PLCB1: variants seen among roughly 807,000 people sequenced by gnomAD.
The protein encoded by PLCB1 is phospholipase C beta 1.
PLCB1 carries 46 observed loss-of-function variants against 161.8 expected under a neutral mutation model. The ratio of observed to expected loss-of-function variants is 0.28; its 90% confidence interval spans 0.22 to 0.36. The LOEUF (loss-of-function observed/expected upper bound fraction) is 0.36, where lower values mean the gene tolerates loss of function less well. PLCB1 is among the 10% of genes least tolerant of loss of function. PLCB1 has a pLI of 1.00. For missense variants in PLCB1, 1,016 were observed against 1,472.5 expected, an observed-to-expected ratio of 0.69 and a Z score of 5.07; for synonymous variants, 517 against 503.7, an observed-to-expected ratio of 1.03 and a Z score of -0.35.
intron 4 of PLCB1, among the ~76,000 whole-genome samples, chr20:8,641,356 A>C (rs1300361688): frequency 6.6e-6 from 1 of 152,246 alleles, no homozygotes; most frequent in Non-Finnish European, 1.5e-5. Context: ...ATAAATCATA[A>C]AGCATGGAAG....
chr20:8,835,373 G>A (rs1986240032), intron 31 of PLCB1, among the ~76,000 whole-genome samples: 1 of 151,926 alleles, frequency 6.6e-6, no homozygotes, highest in African/African-American at 2.4e-5. Flanking sequence ...CCTATTTCAG[G>A]GTCTCCACCG....
At chr20:8,625,865 T>C (rs1044857470) in intron 3 of PLCB1, among the ~76,000 whole-genome samples, 4 of 152,124 alleles carry the variant, frequency 2.6e-5, no homozygotes, top group African/African-American at 9.7e-5. Context: ...AATACTTCAT[T>C]ATAAATTTCT....
At chr20:8,832,391 C>T (rs1483447192) in intron 31 of PLCB1, among the ~76,000 whole-genome samples, 3 of 152,130 alleles carry the variant, frequency 2.0e-5, no homozygotes, top group East Asian at 1.9e-4. Flanking sequence ...AATTAAATTT[C>T]ATTTAAAAGT....
intron 3 of PLCB1, among the ~76,000 whole-genome samples, chr20:8,600,984 A>G (rs567697066): frequency 4.9e-4 from 74 of 151,970 alleles, no homozygotes; most frequent in East Asian, 4.1e-3. Flanking sequence ...GCACCCACTG[A>G]CCTGCGCCCA....
At chr20:8,620,583 T>C (rs767501363) in intron 3 of PLCB1, among the ~76,000 whole-genome samples, 1 of 151,164 alleles carries the variant, frequency 6.6e-6, no homozygotes, top group Non-Finnish European at 1.5e-5. Flanking sequence ...CTACTAAAAA[T>C]ACAAAAATTA....
At chr20:8,791,028 G>A (rs1983732858) in intron 31 of PLCB1, among the ~76,000 whole-genome samples, 1 of 151,966 alleles carries the variant, frequency 6.6e-6, no homozygotes, top group East Asian at 1.9e-4. Context: ...AGCATTTCTC[G>A]AGTCCTAAAA....
At chr20:8,173,321 C>G (rs969619519) in intron 2 of PLCB1, among the ~76,000 whole-genome samples, 2 of 152,166 alleles carry the variant, frequency 1.3e-5, no homozygotes, top group African/African-American at 4.8e-5. Flanking sequence ...ATGCTATTCT[C>G]TCACCAAGAG....
chr20:8,794,948 A>C (rs1983944038), intron 31 of PLCB1, among the ~76,000 whole-genome samples: 1 of 152,224 alleles, frequency 6.6e-6, no homozygotes, highest in South Asian at 2.1e-4. Flanking sequence ...CCTCATTCAA[A>C]GTGTGACTTT....
intron 3 of PLCB1, among the ~76,000 whole-genome samples, chr20:8,504,774 T>C (rs1444814752): frequency 6.6e-6 from 1 of 152,172 alleles, no homozygotes; most frequent in Admixed American, 6.5e-5. Flanking sequence ...TTGAAATCTA[T>C]AGCACCACTG....
intron 2 of PLCB1, among the ~76,000 whole-genome samples, chr20:8,187,191 A>G (rs2051914905): frequency 6.6e-6 from 1 of 151,922 alleles, no homozygotes; most frequent in African/African-American, 2.4e-5. Flanking sequence ...TGCCAAGCCT[A>G]TTTTCCAATT....
intron 4 of PLCB1, among the ~76,000 whole-genome samples, chr20:8,644,006 G>C (rs557647924): frequency 4.2e-5 from 6 of 144,332 alleles, no homozygotes; most frequent in Admixed American, 3.4e-4. Context: ...TGTGTTGGCC[G>C]GGCTGGTCTC....
chr20:8,557,378 A>C (rs937624702), intron 3 of PLCB1, among the ~76,000 whole-genome samples: 3 of 152,098 alleles, frequency 2.0e-5, no homozygotes. Context: ...AAAAATAAAG[A>C]AATTCTGACA....
chr20:8,284,829 A>G lies in PLCB1; in HGVS notation c.178-86553A>G, dbSNP rs984993212. ...GCTTGGCCTCTTCCTCTGGAACATC[A>G]GTTTATACTACTTGAGTTTGCTTTT... On this transcript the variant is annotated intron_variant, in intron 2 of 31. Transcript: ENST00000338037. Among the ~76,000 whole-genome samples the G allele has an allele frequency of 5.7e-4, 87 of 151,832 alleles. 2 individuals carry two copies. Among genetic ancestry groups the G allele is most frequent in the Admixed American group, 7.9e-4 (12 of 15,224 alleles).
At chr20:8,446,618 C>T (rs1178740992) in intron 3 of PLCB1, among the ~76,000 whole-genome samples, 4 of 152,120 alleles carry the variant, frequency 2.6e-5, no homozygotes, top group Admixed American at 1.3e-4. Context: ...GGAGTCAAAT[C>T]GTCCCTGTTT....
chr20:8,363,355 G>C (rs6086422), intron 2 of PLCB1, among the ~76,000 whole-genome samples: 1 of 152,040 alleles, frequency 6.6e-6, no homozygotes, highest in Non-Finnish European at 1.5e-5. Context: ...AGCTCATTTA[G>C]GTTGTTGCCA....
chr20:8,577,893 A>G (rs1986725185), intron 3 of PLCB1, among the ~76,000 whole-genome samples: 1 of 152,178 alleles, frequency 6.6e-6, no homozygotes, highest in Admixed American at 6.5e-5. Flanking sequence ...CCTTTTCTGT[A>G]TACCAGATTC....
At chr20:8,148,381 T>A (rs79249175) in intron 1 of PLCB1, among the ~76,000 whole-genome samples, 1 of 152,178 alleles carries the variant, frequency 6.6e-6, no homozygotes, top group Non-Finnish European at 1.5e-5. Flanking sequence ...TTAGAAGTAA[T>A]TGGGAAATTT....
intron 9 of PLCB1, among the ~76,000 whole-genome samples, chr20:8,676,874 C>T (rs1258977608): frequency 6.6e-6 from 1 of 152,058 alleles, no homozygotes; most frequent in African/African-American, 2.4e-5. Flanking sequence ...AGTGAGAATT[C>T]GTTAAGTATA....
intron 2 of PLCB1, among the ~76,000 whole-genome samples, chr20:8,240,643 A>G (rs1980563579): frequency 6.6e-6 from 1 of 152,026 alleles, no homozygotes; most frequent in South Asian, 2.1e-4. Flanking sequence ...TTTAAGTGGC[A>G]TTGCCAACTT....
Sources: allele counts gnomAD v4.1 joint callset (sites outside exome capture counted in the v4.1 genomes callset), GRCh38; gene constraint gnomAD v4.1.1; transcripts MANE v1.5; gene names NCBI Gene and HGNC (gene_info 2026-07-23, HGNC 2026-07-21).